Variants in RELCH observed in about 807,000 individuals in gnomAD.
The protein encoded by RELCH is RAB11 binding and LisH domain, coiled-coil and HEAT repeat containing.
A neutral mutation model predicts 150.3 loss-of-function variants in RELCH; 41 were observed. That is an observed-to-expected ratio of 0.27 (90% CI 0.21 to 0.35). The LOEUF is 0.35. Ranked by LOEUF, RELCH falls within the 10% of genes least tolerant of loss-of-function variation. The probability of loss-of-function intolerance (pLI) is 1.00; values close to 1 mark genes in which losing one functional copy is unlikely to be tolerated. For synonymous variants in RELCH, 478 were observed against 531.8 expected, an observed-to-expected ratio of 0.90 and a Z score of 1.39; for missense variants, 1,092 against 1,467.8, an observed-to-expected ratio of 0.74 and a Z score of 4.18.
chr18:62,252,168 T>TC (rs1161517110), intron 11 of RELCH, among the ~76,000 whole-genome samples: 2 of 150,838 alleles, frequency 1.3e-5, no homozygotes, highest in Non-Finnish European at 3.0e-5. Context: ...GCTAATTTTT[T>TC]TTTTTTTTTT....
chr18:62,258,119 C>T, intron 14 of RELCH, 31 bp downstream of exon 14: 2 of 1,535,886 alleles, frequency 1.3e-6, no homozygotes, highest in Non-Finnish European at 1.8e-6. Context: ...TGATTTTACT[C>T]CATTATAAAA....
At chr18:62,188,611 T>C (rs2038346672) in intron 1 of RELCH, among the ~76,000 whole-genome samples, 1 of 152,212 alleles carries the variant, frequency 6.6e-6, no homozygotes, top group African/African-American at 2.4e-5. Flanking sequence ...ATGCCTTAAT[T>C]TAAGTAATGT....
At position 62,248,033 on chromosome 18, in the gene RELCH, A is replaced by G. The variant is rs531679798; in HGVS notation, c.1733+3157A>G. Among the ~76,000 whole-genome samples, 393 of 152,224 alleles carry G rather than the reference A, an allele frequency of 2.6e-3. 2 individuals are homozygous for G. Among genetic ancestry groups the G allele is most frequent in the African/African-American group, 9.2e-3 (382 of 41,540 alleles). On this transcript the variant is annotated intron_variant, in intron 11 of 28. Coordinates refer to ENST00000644646, the MANE Select transcript of RELCH (RefSeq NM_001346231.2). ...AATATCAGGCCCTGACTTTTCTGTAAAATGTTTTGGAAAGCTGCCATTACC... is the reference window on the plus strand; with the variant it reads ...AATATCAGGCCCTGACTTTTCTGTAGAATGTTTTGGAAAGCTGCCATTACC...
chr18:62,245,837 A>G (rs2042382431), intron 11 of RELCH: 1 of 152,170 alleles, frequency 6.6e-6, no homozygotes, highest in Non-Finnish European at 1.5e-5. Flanking sequence ...AGCATCTACT[A>G]GTAATTGATG....
chr18:62,291,951 C>G (rs564979129), intron 27 of RELCH, among the ~76,000 whole-genome samples: 10 of 152,266 alleles, frequency 6.6e-5, no homozygotes, highest in African/African-American at 2.2e-4. Flanking sequence ...AGTGCAGTTT[C>G]TATTTTCCAT....
chr18:62,208,559 G>A (rs1051923533), intron 1 of RELCH, among the ~76,000 whole-genome samples: 10 of 152,112 alleles, frequency 6.6e-5, no homozygotes, highest in African/African-American at 2.4e-4. Flanking sequence ...TGTTATATAG[G>A]TAAAGTTGTG....
chr18:62,297,178 G>A (rs2045450063), intron 27 of RELCH, among the ~76,000 whole-genome samples: 1 of 152,090 alleles, frequency 6.6e-6, no homozygotes. Context: ...CTGAAAAGAG[G>A]GAAAATAAGT....
chr18:62,193,494 G>T (rs1238490192), intron 1 of RELCH, among the ~76,000 whole-genome samples: 1 of 152,158 alleles, frequency 6.6e-6, no homozygotes, highest in Admixed American at 6.5e-5. Flanking sequence ...GATATTGGCT[G>T]TGGGTTTGTC....
chr18:62,284,301 A>C (rs1008903277), intron 25 of RELCH: 3 of 152,202 alleles, frequency 2.0e-5, no homozygotes, highest in African/African-American at 4.8e-5. Context: ...GGAAAAAATG[A>C]ATTTTCTTCT....
chr18:62,226,517 G>A (rs756477669), intron 5 of RELCH, among the ~76,000 whole-genome samples: 105 of 152,000 alleles, frequency 6.9e-4, no homozygotes, highest in Non-Finnish European at 1.3e-3. Context: ...GTATTAAGTT[G>A]GAGTAATAAA....
chr18:62,298,093 TC>T (rs112080934), intron 27 of RELCH, among the ~76,000 whole-genome samples: 1,997 of 149,616 alleles, frequency 0.013, 38 homozygotes, highest in East Asian at 0.038. Flanking sequence ...ATTTGCTTTA[TC>T]CCCCCCCGTC....
chr18:62,280,504 T>C, intron 23 of RELCH, 142 bp from the exon 24 acceptor site: 3 of 1,494,582 alleles, frequency 2.0e-6, no homozygotes, highest in Non-Finnish European at 2.8e-6. Flanking sequence ...TTCTTCTTGG[T>C]CTGCTTTTTT....
chr18:62,276,500 G>A (rs1232673986), intron 22 of RELCH, among the ~76,000 whole-genome samples: 1 of 151,514 alleles, frequency 6.6e-6, no homozygotes, highest in Non-Finnish European at 1.5e-5. Flanking sequence ...ATAGTAATAG[G>A]GAACATATAC....
chr18:62,280,826 C>T, intron 24 of RELCH, 117 bp downstream of exon 24: 1 of 672,270 alleles, frequency 1.5e-6, no homozygotes, highest in Non-Finnish European at 2.6e-6. Flanking sequence ...TAGTTAGTTA[C>T]AGGCCAGAGG....
At chr18:62,296,975 G>A (rs2045439250) in intron 27 of RELCH, among the ~76,000 whole-genome samples, 3 of 152,148 alleles carry the variant, frequency 2.0e-5, no homozygotes, top group Admixed American at 2.0e-4. Context: ...AAGTCCTTAG[G>A]ACAGAACTTA....
At chr18:62,225,697 A>G (rs1201064373) in intron 5 of RELCH, among the ~76,000 whole-genome samples, 1 of 152,032 alleles carries the variant, frequency 6.6e-6, no homozygotes, top group African/African-American at 2.4e-5. Context: ...TGGAGCAACT[A>G]GAAATTATTT....
intron 1 of RELCH, among the ~76,000 whole-genome samples, chr18:62,207,089 T>C (rs972084457): frequency 1.3e-5 from 2 of 152,110 alleles, no homozygotes; most frequent in Admixed American, 6.6e-5. Context: ...AATCTACTTT[T>C]GCAGCCTGTT....
chr18:62,275,508 T>A, intron 22 of RELCH, 35 bp downstream of exon 22: 1 of 1,372,224 alleles, frequency 7.3e-7, no homozygotes, highest in Non-Finnish European at 1.0e-6. Flanking sequence ...GTTTCAATTA[T>A]AATGATTTTT....
intron 1 of RELCH, among the ~76,000 whole-genome samples, chr18:62,203,783 C>G (rs1162629376): frequency 2.0e-5 from 3 of 152,086 alleles, no homozygotes; most frequent in Non-Finnish European, 4.4e-5. Flanking sequence ...GAATTTAACA[C>G]CAGCCTGGGC....
Sources: allele counts gnomAD v4.1 joint callset (sites outside exome capture counted in the v4.1 genomes callset), GRCh38; gene constraint gnomAD v4.1.1; transcripts MANE v1.5; gene names NCBI Gene and HGNC (gene_info 2026-07-23, HGNC 2026-07-21).